Variants in TEX11 observed in about 807,000 individuals in gnomAD.
TEX11 encodes testis-expressed protein 11.
Under a neutral mutation model 84.4 loss-of-function variants are expected in TEX11, and 7 were observed. The observed-to-expected ratio is 0.08, with a 90% CI of 0.05 to 0.16. TEX11 has a LOEUF of 0.16. Ranked by LOEUF, TEX11 falls within the 10% of genes least tolerant of loss-of-function variation. The pLI is 1.00. For missense variants in TEX11, 551 were observed against 660.5 expected (o/e 0.83, Z 1.82); for synonymous variants, 264 against 222.8 (o/e 1.18, Z -1.64).
intron 9 of TEX11, among the ~76,000 whole-genome samples, chrX:70,747,868 C>T (rs1416570484): frequency 6.3e-5 from 7 of 110,845 alleles, no homozygotes; most frequent in Non-Finnish European, 1.3e-4. Context: ...CCCACTAACT[C>T]GTTATTTACA....
intron 8 of TEX11, among the ~76,000 whole-genome samples, chrX:70,821,718 G>A (rs1184833221): frequency 8.9e-6 from 1 of 111,790 alleles, no homozygotes; most frequent in African/African-American, 3.3e-5. Context: ...TCAACACCAC[G>A]ATGGGACATC....
intron 25 of TEX11, among the ~76,000 whole-genome samples, chrX:70,555,496 T>C (rs1458010083): frequency 8.9e-6 from 1 of 112,411 alleles, no homozygotes; most frequent in African/African-American, 3.2e-5. Context: ...ACCTAGATTG[T>C]GATAACAAAC....
At chrX:70,757,358 G>T (rs2090874734) in intron 9 of TEX11, among the ~76,000 whole-genome samples, 1 of 111,396 alleles carries the variant, frequency 9.0e-6, no homozygotes, top group Non-Finnish European at 1.9e-5. Context: ...AAAACATTAA[G>T]GGCAGCCAGA....
chrX:70,617,552 T>C (rs1485503026), intron 20 of TEX11, among the ~76,000 whole-genome samples: 2 of 109,314 alleles, frequency 1.8e-5, no homozygotes, highest in Non-Finnish European at 3.8e-5. Context: ...CTGGAGGCCA[T>C]TATCTTAAGT....
chrX:70,678,414 T>A (rs1438446845), intron 15 of TEX11, among the ~76,000 whole-genome samples: 3 of 110,303 alleles, frequency 2.7e-5, no homozygotes, highest in Admixed American at 9.6e-5. Context: ...TTCTTTGCTT[T>A]AAAAAAACTT....
At chrX:70,690,300 T>C (rs1435424579) in intron 13 of TEX11, among the ~76,000 whole-genome samples, 1 of 112,004 alleles carries the variant, frequency 8.9e-6, no homozygotes, top group Non-Finnish European at 1.9e-5. Context: ...ACAAAGGTAC[T>C]ATATAAGATG....
chrX:70,671,826 G>A (rs1326155624), intron 15 of TEX11, among the ~76,000 whole-genome samples: 2 of 101,273 alleles, frequency 2.0e-5, no homozygotes, highest in Non-Finnish European at 4.0e-5. Flanking sequence ...CAGTTTTATT[G>A]AGGTACAATT....
chrX:70,641,273 C>A (rs1172445115), intron 17 of TEX11, among the ~76,000 whole-genome samples: 6 of 111,168 alleles, frequency 5.4e-5, no homozygotes, highest in Non-Finnish European at 1.1e-4. Context: ...TAAAGCAAGT[C>A]CTGAGTGACC....
chrX:70,822,674 G>T (rs2091324364), intron 8 of TEX11, among the ~76,000 whole-genome samples: 1 of 111,069 alleles, frequency 9.0e-6, no homozygotes, highest in Non-Finnish European at 1.9e-5. Context: ...TTAAAACGAG[G>T]TTTATTTGAT....
At chrX:70,877,800 C>T (rs139430815) in intron 3 of TEX11, among the ~76,000 whole-genome samples, 2,664 of 111,414 alleles carry the variant, frequency 0.024, 40 homozygotes, top group Non-Finnish European at 0.039. Context: ...TTACATGATT[C>T]CACTTACATG....
intron 8 of TEX11, among the ~76,000 whole-genome samples, chrX:70,820,803 G>A (rs756791900): frequency 1.2e-4 from 13 of 111,610 alleles, no homozygotes; most frequent in Non-Finnish European, 2.1e-4. Flanking sequence ...CCTCCCACCA[G>A]GCCCCACCTC....
At chrX:70,712,697 T>C (rs1384977613) in intron 13 of TEX11, among the ~76,000 whole-genome samples, 21 of 110,688 alleles carry the variant, frequency 1.9e-4, no homozygotes, top group Admixed American at 3.9e-4. Flanking sequence ...TGGGCTGAGA[T>C]GATGGGGTTT....
intron 13 of TEX11, among the ~76,000 whole-genome samples, chrX:70,722,036 G>A (rs1460784974): frequency 8.9e-6 from 1 of 111,839 alleles, no homozygotes; most frequent in African/African-American, 3.2e-5. Context: ...AAAAGTGGAG[G>A]ATATGAGGCA....
chrX:70,825,522 A>C (rs2091340743), intron 8 of TEX11, among the ~76,000 whole-genome samples: 1 of 111,202 alleles, frequency 9.0e-6, no homozygotes, highest in African/African-American at 3.3e-5. Flanking sequence ...ATAAACACTC[A>C]TGAAATAAAT....
chrX:70,562,590 T>C (rs2088389946), intron 25 of TEX11, among the ~76,000 whole-genome samples: 1 of 112,312 alleles, frequency 8.9e-6, no homozygotes, highest in Non-Finnish European at 1.9e-5. Context: ...CATGTGGCTA[T>C]GTAGTTCATT....
intron 25 of TEX11, among the ~76,000 whole-genome samples, chrX:70,572,243 T>C (rs756382368): frequency 2.7e-5 from 3 of 109,436 alleles, no homozygotes; most frequent in South Asian, 7.7e-4. Flanking sequence ...AAAAAACACA[T>C]GAAAAAATGC....
intron 25 of TEX11, among the ~76,000 whole-genome samples, chrX:70,590,844 T>C (rs2088919436): frequency 9.0e-6 from 1 of 111,447 alleles, no homozygotes; most frequent in Non-Finnish European, 1.9e-5. Flanking sequence ...GCCTCCTGGG[T>C]TCAAGAGATT....
intron 4 of TEX11, among the ~76,000 whole-genome samples, chrX:70,869,975 C>T (rs750248105): frequency 6.5e-4 from 73 of 111,638 alleles, no homozygotes; most frequent in Non-Finnish European, 1.2e-3. Context: ...TTCTTTGTTG[C>T]TGTTGCTCCA....
intron 25 of TEX11, among the ~76,000 whole-genome samples, chrX:70,564,843 T>A (rs2088435572): frequency 9.0e-6 from 1 of 110,758 alleles, no homozygotes; most frequent in African/African-American, 3.3e-5. Flanking sequence ...TTTCCTATTG[T>A]GAATAGTGCC....
Sources: allele counts gnomAD v4.1 joint callset (sites outside exome capture counted in the v4.1 genomes callset), GRCh38; gene constraint gnomAD v4.1.1; transcripts MANE v1.5; gene names NCBI Gene and HGNC (gene_info 2026-07-23, HGNC 2026-07-21).